BIRC3: variants seen among roughly 807,000 people sequenced by gnomAD.
BIRC3 encodes the protein baculoviral IAP repeat containing 3, also known as baculoviral IAP repeat-containing protein 3.
Under a neutral mutation model 59.0 loss-of-function variants are expected in BIRC3, and 26 were observed. The ratio of observed to expected loss-of-function variants is 0.44; its 90% CI spans 0.32 to 0.61. The LOEUF (loss-of-function observed/expected upper bound fraction) is 0.61. Ranked by LOEUF, BIRC3 falls within the 20% of genes least tolerant of loss-of-function variation. The pLI is 0.04. For synonymous variants in BIRC3, 243 were observed against 249.2 expected (o/e 0.98, Z 0.24); for missense variants, 641 against 711.5 (o/e 0.90, Z 1.13).
intron 6 of BIRC3, among the ~76,000 whole-genome samples, chr11:102,335,302 T>A (rs1391589689): frequency 6.6e-6 from 1 of 152,094 alleles, no homozygotes; most frequent in Non-Finnish European, 1.5e-5. Context: ...TAAGAAAAAA[T>A]TGTTTTAATT....
At position 102,337,555 on chromosome 11, in the gene BIRC3, C is replaced by T. The variant is rs1951209559; in HGVS notation, c.*453C>T. On this transcript the variant is annotated 3_prime_UTR_variant, in exon 9 of 9. Coordinates refer to ENST00000263464, the MANE Select transcript of BIRC3 (RefSeq NM_001165.5). ...CCATCCTGGGCAGCATACTGAGACC[C>T]TGCCTTTAAAAACAAACAGAACAAA... The T allele has an allele frequency of 2.6e-6, 1 of 385,778 alleles. No individual in the cohort carries two copies. The highest frequency in any genetic ancestry group is 4.5e-5 in the Admixed American group (1 of 22,220). The allele number at this position is 385,778 out of a possible 1,614,324, so 23.9% of individuals were successfully genotyped here.
In BIRC3 at chr11:102,337,675, G is replaced by A. The variant is rs978182150; in HGVS notation, c.*573G>A. The A allele has an allele frequency of 9.9e-6, 3 of 302,972 alleles. No individual in the cohort carries two copies. The highest frequency in any genetic ancestry group is 1.8e-5 in the Non-Finnish European group (3 of 165,654). The allele number at this position is 302,972 out of a possible 1,614,324, so 18.8% of individuals were successfully genotyped here. On this transcript the variant is annotated 3_prime_UTR_variant, in exon 9 of 9. Transcript: ENST00000263464. Reference sequence around the variant, plus strand: ...ATGTTGAATGACATTTTAGGGACATGGTGTTTTTATAAAGAATTCTGTGAG... The same window carrying A: ...ATGTTGAATGACATTTTAGGGACATAGTGTTTTTATAAAGAATTCTGTGAG...
chr11:102,326,354 G>A (rs574373150), intron 3 of BIRC3, among the ~76,000 whole-genome samples: 10 of 152,264 alleles, frequency 6.6e-5, no homozygotes, highest in East Asian at 5.8e-4. Flanking sequence ...TGTTTTAGTC[G>A]CCACGCAGCA....
rs1437209022 is a variant in BIRC3 at position 102,321,868 on chromosome 11, A to T, written c.-2642A>T. 2 of 179,336 alleles carry T rather than the reference A, an allele frequency of 1.1e-5. No individual in the cohort carries two copies. Among genetic ancestry groups the T allele is most frequent in the African/African-American group, 4.7e-5 (2 of 42,108 alleles). 11.1% of individuals were successfully genotyped at this position (179,336 alleles called of 1,614,324 possible). ...AAAGGAGGAAAACGACTTCTTCTAG[A>T]TTTTTTTTTCAGTTTCTTCTATAAA... is the stretch of plus-strand genomic sequence containing the variant. On this transcript the variant is annotated 5_prime_UTR_variant, in exon 2 of 9. Coordinates refer to ENST00000263464, the MANE Select transcript of BIRC3 (RefSeq NM_001165.5).
chr11:102,335,427 C>G (rs540356078), intron 6 of BIRC3, among the ~76,000 whole-genome samples: 1 of 152,170 alleles, frequency 6.6e-6, no homozygotes, highest in Non-Finnish European at 1.5e-5. Context: ...ATTGAAAGCA[C>G]AGTACATGAC....
intron 1 of BIRC3, 35 bp downstream of exon 1, chr11:102,317,606 TGTGC>T: frequency 6.5e-6 from 1 of 153,472 alleles, no homozygotes; most frequent in Non-Finnish European, 1.4e-5. Flanking sequence ...TGTGTGTGTG[TGTGC>T]GTGTGTGTGT....
rs958986888 is a variant in BIRC3 at position 102,323,066 on chromosome 11, T to A, written c.-1444T>A. The A allele has an allele frequency of 5.1e-6, 1 of 197,816 alleles. No homozygotes were observed. The highest frequency in any genetic ancestry group is 2.3e-5 in the African/African-American group (1 of 43,388). The allele number at this position is 197,816 out of a possible 1,614,324, so 12.3% of individuals were successfully genotyped here. On this transcript the variant is annotated 5_prime_UTR_variant, in exon 2 of 9. Coordinates refer to ENST00000263464, the MANE Select transcript of BIRC3 (RefSeq NM_001165.5). ...GGCATCTGGTAACTTTTGACTGTTT[T>A]AAAAAATAAATCCACTATCAGAGTA...
chr11:102,318,063 C>T (rs1950990081), intron 1 of BIRC3, among the ~76,000 whole-genome samples: 1 of 152,276 alleles, frequency 6.6e-6, no homozygotes, highest in East Asian at 1.9e-4. Context: ...CTGATCAATA[C>T]ATTGTCGAAG....
chr11:102,327,903 G>A (rs1391256191), intron 3 of BIRC3, 149 bp from the exon 4 acceptor site: 3 of 592,140 alleles, frequency 5.1e-6, no homozygotes, highest in East Asian at 6.3e-5. Flanking sequence ...ATTAAGTTTA[G>A]AATAAATGAT....
rs1445029472 is a variant in BIRC3 at position 102,324,526 on chromosome 11, A to C, written c.17A>C (p.Asn6Thr). MNIVE[N>T]SIFLSNLMKS... ...CATTTCATTATGAACATAGTAGAAA[A>C]CAGCATATTCTTATCAAATTTGATG... The change falls in exon 2 of 9, where the codon AAC (asparagine) becomes ACC (threonine). Residue 6 changes from asparagine (N) to threonine (T), a missense_variant. Around this residue, in one of 4 missense-constraint regions of BIRC3, gnomAD observed 329 missense variants for 365.6 expected, o/e 0.90. Coordinates refer to ENST00000263464, the MANE Select transcript of BIRC3 (RefSeq NM_001165.5). The C allele has an allele frequency of 6.2e-7, 1 of 1,612,094 alleles. No homozygotes were observed. The highest frequency in any genetic ancestry group is 8.5e-7 in the Non-Finnish European group (1 of 1,178,860).
In BIRC3 at chr11:102,338,157, T is replaced by C. The variant is rs947953632; in HGVS notation, c.*1055T>C. 7 of 228,720 alleles carry C rather than the reference T, an allele frequency of 3.1e-5. No homozygotes were observed. The highest frequency in any genetic ancestry group is 1.9e-4 in the East Asian group (3 of 15,982). The allele number at this position is 228,720 out of a possible 1,614,324, so 14.2% of individuals were successfully genotyped here. A position where few individuals can be genotyped will look rare whatever the true frequency, so the allele number is the denominator to read the frequency against. On this transcript the variant is annotated 3_prime_UTR_variant, in exon 9 of 9. Transcript: ENST00000263464. ...CAACAAAATGTCCCCCTCTGCATTA[T>C]GTTATTGGTACTCAACACGTCCGAG... is the stretch of plus-strand genomic sequence containing the variant.
At chr11:102,333,248 GA>G (rs1251757485) in intron 6 of BIRC3, among the ~76,000 whole-genome samples, 2 of 151,998 alleles carry the variant, frequency 1.3e-5, no homozygotes, top group Admixed American at 1.3e-4. Flanking sequence ...GGTAATTTAA[GA>G]TTTTTTTTTT....
At chr11:102,319,851 C>A (rs898119627) in intron 1 of BIRC3, 1 of 152,134 alleles carries the variant, frequency 6.6e-6, no homozygotes, top group African/African-American at 2.4e-5. Context: ...GACATCTTGG[C>A]ATATTTGTGT....
Position 102,328,885 on chromosome 11 carries a change from T to A in BIRC3, c.1033-12T>A, listed in dbSNP as rs1041031278. The A allele has an allele frequency of 5.2e-6, 6 of 1,144,562 alleles. No individual in the cohort carries two copies. In the African/African-American group the frequency reaches 8.2e-5, roughly 16 times the overall value. 70.9% of individuals were successfully genotyped at this position (1,144,562 alleles called of 1,614,324 possible). A position where few individuals can be genotyped will look rare whatever the true frequency, so the allele number is the denominator to read the frequency against. ...ATATATATATATATATATATATTTT[T>A]TTTTTCTGCAGCTGCTATCCACATC... On this transcript the variant is annotated splice_polypyrimidine_tract_variant and intron_variant, in intron 4 of 8. Coordinates refer to ENST00000263464, the MANE Select transcript of BIRC3 (RefSeq NM_001165.5).
chr11:102,324,302 G>A lies in BIRC3; in HGVS notation c.-208G>A. 1 of 493,956 alleles carries A rather than the reference G, an allele frequency of 2.0e-6. No homozygotes were observed. 30.6% of individuals were successfully genotyped at this position (493,956 alleles called of 1,614,324 possible). A position where few individuals can be genotyped will look rare whatever the true frequency, so the allele number is the denominator to read the frequency against. ...ATTGTATGTATAAAGATTATACAAA[G>A]GTGCAATTGTGTATTTCTTCCTTAA... is the stretch of plus-strand genomic sequence containing the variant. On this transcript the variant is annotated 5_prime_UTR_variant, in exon 2 of 9. Coordinates refer to ENST00000263464, the MANE Select transcript of BIRC3 (RefSeq NM_001165.5).
rs1297142999 is a variant in BIRC3, at chr11:102,336,194, A to T, written c.1553A>T (p.Glu518Val). The T allele has an allele frequency of 6.2e-7, 1 of 1,612,096 alleles. No homozygotes were observed. Among genetic ancestry groups the T allele is most frequent in the South Asian group, 1.1e-5 (1 of 90,538 alleles). Residue 518 changes from glutamate (E) to valine (V), a missense_variant, in exon 7 of 9, where the codon GAA becomes GTA. This residue lies in a region of BIRC3 where 268 missense variants were observed against 255.7 expected (regional missense o/e 1.05). Coordinates refer to ENST00000263464, the MANE Select transcript of BIRC3 (RefSeq NM_001165.5). ...TTCAGAAACTCTCTGCAAGAAGCTGAAGCTGTGTTATATGAGCATTTATTT... is the reference window on the plus strand; with the variant it reads ...TTCAGAAACTCTCTGCAAGAAGCTGTAGCTGTGTTATATGAGCATTTATTT... ...TVFRNSLQEA[E>V]AVLYEHLFVQ... is the part of the protein sequence containing the mutation.
intron 7 of BIRC3, 60 bp from the exon 8 acceptor site, chr11:102,336,700 T>C (rs1254807795): frequency 6.7e-7 from 1 of 1,499,288 alleles, no homozygotes; most frequent in African/African-American, 1.4e-5. Context: ...TTAAAATAGA[T>C]TCCATAGCTA....
rs1565325906 is a variant in BIRC3, at chr11:102,336,929, T to G, written c.1642T>G (p.Leu548Val). ...TCTAGATCTACCAGTGGAAGAACAA[T>G]TGCGGAGACTACAAGAAGAAAGAAC... ...DVSDLPVEEQLRRLQEERTCK... is the reference protein window; with the variant it reads ...DVSDLPVEEQVRRLQEERTCK... Residue 548 changes from leucine to valine, a missense_variant, in exon 9 of 9, where the codon TTG becomes GTG. Physicochemically the swap from Leu to Val is conservative, Grantham distance 32 (BLOSUM62 1). Around this residue, in one of 4 missense-constraint regions of BIRC3, gnomAD observed 41 missense variants for 73.4 expected, o/e 0.56. Coordinates refer to ENST00000263464, the MANE Select transcript of BIRC3 (RefSeq NM_001165.5). 1 of 1,601,836 alleles carries G rather than the reference T, an allele frequency of 6.2e-7. No individual in the cohort carries two copies. The highest frequency in any genetic ancestry group is 8.5e-7 in the Non-Finnish European group (1 of 1,177,352).
rs1951070917 is a variant in BIRC3, at chr11:102,325,273, A to G, written c.764A>G (p.His255Arg). ...GTTTCTAATCTGAGCATGCAGACACATGCAGCCCGCTTTAAAACATTCTTT... is the reference window on the plus strand; with the variant it reads ...GTTTCTAATCTGAGCATGCAGACACGTGCAGCCCGCTTTAAAACATTCTTT... ...YTVSNLSMQT[H>R]AARFKTFFNW... Residue 255 changes from histidine to arginine, a missense_variant, in exon 2 of 9, where the codon CAT becomes CGT. Physicochemically the swap from His to Arg is conservative, Grantham distance 29. Coordinates refer to ENST00000263464, the MANE Select transcript of BIRC3 (RefSeq NM_001165.5). 4 of 1,614,158 alleles carry G rather than the reference A, an allele frequency of 2.5e-6. No homozygotes were observed. Among genetic ancestry groups the G allele is most frequent in the Middle Eastern group, 1.6e-4 (1 of 6,062 alleles).
Sources: gnomAD v4.1 joint callset for allele counts (sites outside exome capture counted in the v4.1 genomes callset) on GRCh38, gnomAD v4.1.1 for gene constraint, gnomAD v4.1.1 regional missense constraint, MANE v1.5 for transcripts, NCBI Gene and HGNC (gene_info 2026-07-23, HGNC 2026-07-21) for gene names.